DHX35: variants seen among roughly 807,000 people sequenced by gnomAD.
DHX35 encodes the protein DEAH-box helicase 35, also known as probable ATP-dependent RNA helicase DHX35.
A neutral mutation model predicts 99.6 loss-of-function variants in DHX35; 84 were observed. The ratio of observed to expected loss-of-function variants is 0.84; its 90% CI spans 0.71 to 1.01. The LOEUF (loss-of-function observed/expected upper bound fraction) is 1.01, where lower values mean the gene tolerates loss of function less well. DHX35 is among the 50% of genes least tolerant of loss of function. DHX35 has a pLI of 0.00. For synonymous variants in DHX35, 331 were observed against 316.2 expected (o/e 1.05, Z -0.50); for missense variants, 852 against 888.5 (o/e 0.96, Z 0.52).
At chr20:38,971,484 C>T (rs1327260236) in intron 2 of DHX35, among the ~76,000 whole-genome samples, 1 of 152,086 alleles carries the variant, frequency 6.6e-6, no homozygotes, top group Admixed American at 6.6e-5. Context: ...GCTGTATAGA[C>T]AATAGTGACT....
intron 3 of DHX35, chr20:38,977,989 G>C (rs2086108982): frequency 4.4e-6 from 3 of 689,050 alleles, no homozygotes; most frequent in South Asian, 4.2e-5. Flanking sequence ...ACCACCTCCA[G>C]GGGCAGATCA....
intron 1 of DHX35, among the ~76,000 whole-genome samples, chr20:38,968,630 C>T (rs1568711656): frequency 6.6e-6 from 1 of 152,118 alleles, no homozygotes; most frequent in Non-Finnish European, 1.5e-5. Flanking sequence ...TCACTGCAAC[C>T]CCTGCCTCCT....
At chr20:39,034,111 C>T (rs2087103269) in intron 20 of DHX35, 95 bp from the exon 21 acceptor site, 2 of 876,290 alleles carry the variant, frequency 2.3e-6, no homozygotes, top group Non-Finnish European at 3.7e-6. Context: ...TAGAGTAGAA[C>T]CTGTTAAAGG....
intron 4 of DHX35, among the ~76,000 whole-genome samples, chr20:38,984,401 A>C (rs189631023): frequency 1.4e-4 from 21 of 152,362 alleles, no homozygotes; most frequent in Middle Eastern, 6.8e-3. Context: ...CTAAAGATGA[A>C]GATGAATGGT....
chr20:38,974,973 A>G lies in DHX35; in HGVS notation c.267+2322A>G, dbSNP rs140424955. ...CGTCCAGTGGTAGGGTTTTAGGGTT[A>G]AGGGTGTCTAAGGGTAAGATGATAA... On this transcript the variant is annotated intron_variant, in intron 3 of 21. Transcript: ENST00000252011. 1.4e-4 allele frequency among the ~76,000 whole-genome samples: 22 copies of G among 152,314 alleles called. No homozygotes were observed. In the East Asian group the frequency reaches 4.2e-3, roughly 29 times the overall value.
In DHX35 at chr20:38,982,487, C is replaced by T. The variant is rs533849511; in HGVS notation, c.268-1212C>T. Among the ~76,000 whole-genome samples, 4 of 152,272 alleles carry T rather than the reference C, an allele frequency of 2.6e-5. No individual in the cohort carries two copies. In the South Asian group the frequency reaches 8.3e-4, roughly 32 times the overall value. On this transcript the variant is annotated intron_variant, in intron 3 of 21. Transcript: ENST00000252011. The stretch of plus-strand genomic sequence containing the variant: ...GTGTTTATATTTCCTTTAGGTTTCC[C>T]TCCACATCCTGGTTGGTTTTATTTG...
Position 38,983,775 on chromosome 20 carries a change from C to T in DHX35, c.344C>T (p.Thr115Ile). The T allele has an allele frequency of 3.7e-6, 6 of 1,612,918 alleles. No individual in the cohort carries two copies. Among genetic ancestry groups the T allele is most frequent in the Non-Finnish European group, 5.1e-6 (6 of 1,179,220 alleles). ...VTQPRRVAAV[T>I]VAGRVAEERG... is the part of the protein sequence containing the mutation. Reference sequence around the variant, plus strand: ...CAGCCTCGAAGAGTGGCTGCTGTTACAGTGAGTTTCTTTTTGTGTTGGAAA... The same window carrying T: ...CAGCCTCGAAGAGTGGCTGCTGTTATAGTGAGTTTCTTTTTGTGTTGGAAA... Residue 115 changes from threonine (T) to isoleucine (I), a missense_variant and splice_region_variant, in exon 4 of 22, where the codon ACA becomes ATA. Transcript: ENST00000252011.
At chr20:38,979,132 T>TG (rs2086130345) in intron 3 of DHX35, among the ~76,000 whole-genome samples, 1 of 152,156 alleles carries the variant, frequency 6.6e-6, no homozygotes, top group Non-Finnish European at 1.5e-5. Flanking sequence ...CCTTCACACT[T>TG]GGTCTTTTTT....
At chr20:38,962,486 A>G (rs1203269576) in intron 1 of DHX35, 79 bp downstream of exon 1, 3 of 1,543,086 alleles carry the variant, frequency 1.9e-6, no homozygotes, top group East Asian at 4.8e-5. Context: ...CCCTGGGGCC[A>G]GCAGACCTGC....
intron 1 of DHX35, among the ~76,000 whole-genome samples, chr20:38,963,349 G>A (rs1432832158): frequency 6.6e-6 from 1 of 152,206 alleles, no homozygotes; most frequent in Non-Finnish European, 1.5e-5. Flanking sequence ...CACCAAGAAT[G>A]TAATATAAGC....
chr20:38,990,107 C>G (rs950235545), intron 5 of DHX35, among the ~76,000 whole-genome samples: 2 of 152,170 alleles, frequency 1.3e-5, no homozygotes, highest in Non-Finnish European at 2.9e-5. Flanking sequence ...TTTGAACTAG[C>G]TAATTTTCAG....
At position 39,002,802 on chromosome 20, in the gene DHX35, C is replaced by G. The variant is rs758100934; in HGVS notation, c.786C>G (p.Val262=). 1 of 1,614,076 alleles carries G rather than the reference C, an allele frequency of 6.2e-7. No homozygotes were observed. Among genetic ancestry groups the G allele is most frequent in the Admixed American group, 1.7e-5 (1 of 60,022 alleles). ...TTCCAGATTATATCAAATCAACTGT[C>G]GAAACTGTGGTGAAAATTCACCAGA... is the stretch of plus-strand genomic sequence containing the variant. ...SPVPDYIKST[V]ETVVKIHQTE... Residue 262 remains valine, a synonymous_variant, in exon 10 of 22, where the codon GTC becomes GTG. Transcript: ENST00000252011.
intron 2 of DHX35, among the ~76,000 whole-genome samples, chr20:38,971,186 C>T (rs1030235899): frequency 1.3e-5 from 2 of 152,068 alleles, no homozygotes; most frequent in Non-Finnish European, 2.9e-5. Context: ...AACCCCATCT[C>T]TACTAAAAAT....
In DHX35 at chr20:38,970,274, C is replaced by T. The variant is rs182891263; in HGVS notation, c.174+1060C>T. On this transcript the variant is annotated intron_variant, in intron 2 of 21. Transcript: ENST00000252011. ...TGACTAGACTGTGCTGATAATTCCTCTTCTATTAATGTGTTCTTTCTCCAA... is the reference window on the plus strand; with the variant it reads ...TGACTAGACTGTGCTGATAATTCCTTTTCTATTAATGTGTTCTTTCTCCAA... Among the ~76,000 whole-genome samples, 4 of 152,292 alleles carry T rather than the reference C, an allele frequency of 2.6e-5. No individual in the cohort carries two copies. In the East Asian group the frequency reaches 7.7e-4, roughly 29 times the overall value.
At position 39,015,702 on chromosome 20, in the gene DHX35, T is replaced by C. The variant is rs201483393; in HGVS notation, c.1402+768T>C. ...CTGTATTGAAGTATAGTTTATGTAC[T>C]ATACAATTCACTCGTTTACAGTGTA... is the stretch of plus-strand genomic sequence containing the variant. On this transcript the variant is annotated intron_variant, in intron 14 of 21. Coordinates refer to ENST00000252011, the MANE Select transcript of DHX35 (RefSeq NM_021931.4). 1.6e-4 allele frequency among the ~76,000 whole-genome samples: 25 copies of C among 152,332 alleles called. No individual in the cohort carries two copies. In the East Asian group the frequency reaches 4.6e-3, roughly 28 times the overall value.
chr20:39,019,185 G>T (rs1042093400), intron 15 of DHX35, among the ~76,000 whole-genome samples: 2 of 151,888 alleles, frequency 1.3e-5, no homozygotes, highest in Non-Finnish European at 2.9e-5. Flanking sequence ...TCTCTCCTCT[G>T]CCCCGCCCCT....
chr20:39,024,250 T>G (rs2086916993), intron 17 of DHX35, among the ~76,000 whole-genome samples: 1 of 152,242 alleles, frequency 6.6e-6, no homozygotes, highest in Non-Finnish European at 1.5e-5. Flanking sequence ...GTGATGTTAA[T>G]TTTTTATTGT....
intron 2 of DHX35, among the ~76,000 whole-genome samples, chr20:38,969,840 A>G (rs984668880): frequency 6.6e-6 from 1 of 152,258 alleles, no homozygotes; most frequent in African/African-American, 2.4e-5. Context: ...AGATGGACAC[A>G]GTTGACATAT....
intron 3 of DHX35, among the ~76,000 whole-genome samples, chr20:38,976,701 A>G (rs1341932630): frequency 6.6e-6 from 1 of 152,088 alleles, no homozygotes; most frequent in Non-Finnish European, 1.5e-5. Flanking sequence ...TATTCCTCCT[A>G]TATAACTATA....
Sources: gnomAD v4.1 joint callset for allele counts (sites outside exome capture counted in the v4.1 genomes callset) on GRCh38, gnomAD v4.1.1 for gene constraint, MANE v1.5 for transcripts, NCBI Gene and HGNC (gene_info 2026-07-23, HGNC 2026-07-21) for gene names.